The following BMPR2 variants were observed in gnomAD, a reference collection of about 807,000 sequenced individuals.
BMPR2 encodes bone morphogenetic protein receptor type-2.
BMPR2 carries 29 observed loss-of-function variants against 100.8 expected under a neutral mutation model. The ratio of observed to expected loss-of-function variants is 0.29; its 90% CI spans 0.21 to 0.39. The LOEUF (loss-of-function observed/expected upper bound fraction) is 0.39, where lower values mean the gene tolerates loss of function less well. Among genes scored for constraint, BMPR2 ranks in the 10% least tolerant of loss-of-function variants. BMPR2 has a pLI of 1.00. For synonymous variants in BMPR2, 382 were observed against 442.3 expected (o/e 0.86, Z 1.71); for missense variants, 1,011 against 1,274.5 (o/e 0.79, Z 3.15).
chr2:202,386,748 T>C (rs558363806), intron 1 of BMPR2, among the ~76,000 whole-genome samples: 2 of 152,060 alleles, frequency 1.3e-5, no homozygotes, highest in African/African-American at 4.8e-5. Flanking sequence ...TGGCGCGATC[T>C]CGGCTCACTG....
intron 3 of BMPR2, among the ~76,000 whole-genome samples, chr2:202,467,969 C>G (rs1292341541): frequency 6.6e-6 from 1 of 151,946 alleles, no homozygotes; most frequent in Non-Finnish European, 1.5e-5. Flanking sequence ...ATTGATTGAA[C>G]CCGGGAGGCA....
rs564475109 is a variant in BMPR2 at position 202,437,109 on chromosome 2, G to T, written c.77-27700G>T. Among the ~76,000 whole-genome samples the T allele has an allele frequency of 1.5e-4, 23 of 150,508 alleles. 2 individuals carry two copies. Among genetic ancestry groups the T allele is most frequent in the African/African-American group, 5.3e-4 (21 of 39,852 alleles). On this transcript the variant is annotated intron_variant, in intron 1 of 12. Coordinates refer to ENST00000374580, the MANE Select transcript of BMPR2 (RefSeq NM_001204.7). ...CAACCTCTGTCTCCCAGGTTCAAGCGATTCTTCTGCCTCAGCCTCCAGAGT... is the reference window on the plus strand; with the variant it reads ...CAACCTCTGTCTCCCAGGTTCAAGCTATTCTTCTGCCTCAGCCTCCAGAGT...
At chr2:202,524,091 G>C (rs946406136) in intron 7 of BMPR2, among the ~76,000 whole-genome samples, 10 of 152,068 alleles carry the variant, frequency 6.6e-5, no homozygotes, top group Admixed American at 1.3e-4. Context: ...GGCCGGACGC[G>C]GTGGCTCACG....
rs568879133 is a variant in BMPR2 at position 202,506,773 on chromosome 2, G to A, written c.419-6946G>A. Among the ~76,000 whole-genome samples the A allele has an allele frequency of 2.6e-5, 4 of 152,158 alleles. No homozygotes were observed. In the South Asian group the frequency reaches 8.3e-4, roughly 32 times the overall value. On this transcript the variant is annotated intron_variant, in intron 3 of 12. Transcript: ENST00000374580. ...AAATTAGTTGGGCGTGGTGGCATGT[G>A]CCTGTAATCCCAGCTACTTGGGAGG... is the stretch of plus-strand genomic sequence containing the variant.
At chr2:202,380,224 A>C (rs1161569536) in intron 1 of BMPR2, among the ~76,000 whole-genome samples, 1 of 152,016 alleles carries the variant, frequency 6.6e-6, no homozygotes, top group East Asian at 1.9e-4. Context: ...ATGAAAAATA[A>C]GATGTGCTGG....
At chr2:202,498,902 A>G (rs1471710055) in intron 3 of BMPR2, among the ~76,000 whole-genome samples, 1 of 152,188 alleles carries the variant, frequency 6.6e-6, no homozygotes, top group Non-Finnish European at 1.5e-5. Context: ...GAGGGAGAAT[A>G]TACAACTATG....
intron 1 of BMPR2, among the ~76,000 whole-genome samples, chr2:202,456,750 G>T (rs148520369): frequency 3.5e-4 from 53 of 152,056 alleles, no homozygotes; most frequent in Admixed American, 6.6e-4. Flanking sequence ...CCTGACCTCA[G>T]GTAATTCACC....
chr2:202,535,254 G>A (rs1314011914), intron 9 of BMPR2, among the ~76,000 whole-genome samples: 2 of 151,932 alleles, frequency 1.3e-5, no homozygotes, highest in Non-Finnish European at 2.9e-5. Flanking sequence ...CAGACGGAGC[G>A]GCTGCTGGGC....
intron 7 of BMPR2, among the ~76,000 whole-genome samples, chr2:202,529,206 G>A (rs1687970830): frequency 6.6e-6 from 1 of 152,178 alleles, no homozygotes; most frequent in Non-Finnish European, 1.5e-5. Flanking sequence ...GTGATAATAT[G>A]TATAAATATC....
chr2:202,421,431 A>G (rs1239737791), intron 1 of BMPR2, among the ~76,000 whole-genome samples: 1 of 150,750 alleles, frequency 6.6e-6, no homozygotes, highest in Non-Finnish European at 1.5e-5. Flanking sequence ...TTAGCACTAT[A>G]GTATTTGATA....
At chr2:202,467,024 G>C (rs1428015232) in intron 2 of BMPR2, 1 of 190,348 alleles carries the variant, frequency 5.3e-6, no homozygotes, top group Admixed American at 5.5e-5. Context: ...ACTTTGGGAG[G>C]CCGAGGCAGG....
chr2:202,377,570 A>G lies in BMPR2; in HGVS notation c.76+20A>G. ...CGGCTGGTGAGTAGCTCCGGCCGGC[A>G]CGTCCCGGCCACTGCCCCTGCGGGT... On this transcript the variant is annotated intron_variant, in intron 1 of 12. Transcript: ENST00000374580. 7 of 1,613,598 alleles carry G rather than the reference A, an allele frequency of 4.3e-6. No individual in the cohort carries two copies. Among genetic ancestry groups the G allele is most frequent in the Non-Finnish European group, 5.9e-6 (7 of 1,179,728 alleles).
chr2:202,422,777 A>G (rs1691295199), intron 1 of BMPR2, among the ~76,000 whole-genome samples: 1 of 151,450 alleles, frequency 6.6e-6, no homozygotes, highest in African/African-American at 2.4e-5. Flanking sequence ...CGTGGGTTCA[A>G]GCGATTCTCC....
chr2:202,528,591 C>G (rs1007140718), intron 7 of BMPR2, among the ~76,000 whole-genome samples: 1 of 152,224 alleles, frequency 6.6e-6, no homozygotes, highest in Non-Finnish European at 1.5e-5. Flanking sequence ...TACTGAACAT[C>G]ATAGCTTAGC....
intron 5 of BMPR2, 72 bp downstream of exon 5, chr2:202,515,051 A>T: frequency 7.2e-7 from 1 of 1,380,122 alleles, no homozygotes; most frequent in Non-Finnish European, 1.0e-6. Flanking sequence ...ACTTCATTCA[A>T]TCATTAAGAC....
chr2:202,481,918 G>A (rs115666841), intron 3 of BMPR2, among the ~76,000 whole-genome samples: 44 of 152,164 alleles, frequency 2.9e-4, no homozygotes, highest in Admixed American at 1.0e-3. Context: ...ATTGTCGTAC[G>A]ACCAATCTCC....
intron 1 of BMPR2, among the ~76,000 whole-genome samples, chr2:202,451,126 G>A (rs796580692): frequency 7.9e-5 from 12 of 152,178 alleles, no homozygotes; most frequent in African/African-American, 2.9e-4. Context: ...TGAAAAATGG[G>A]TGTTATGTGA....
Position 202,531,105 on chromosome 2 carries a change from C to G in BMPR2, c.1128+151C>G, listed in dbSNP as rs926453781. The G allele has an allele frequency of 1.1e-5, 10 of 883,278 alleles. No homozygotes were observed. The East Asian group carries it at 2.5e-4, about 22-fold the overall frequency. 54.7% of individuals were successfully genotyped at this position (883,278 alleles called of 1,614,324 possible). A position where few individuals can be genotyped will look rare whatever the true frequency, so the allele number is the denominator to read the frequency against. On this transcript the variant is annotated intron_variant, in intron 8 of 12. Coordinates refer to ENST00000374580, the MANE Select transcript of BMPR2 (RefSeq NM_001204.7). ...ATCACCTAAGGTAAAGAGTTCGAGA[C>G]CAGCTTGGCCAACATGGCGAAACCC...
At chr2:202,479,532 C>T (rs1302518935) in intron 3 of BMPR2, among the ~76,000 whole-genome samples, 1 of 152,034 alleles carries the variant, frequency 6.6e-6, no homozygotes, top group Non-Finnish European at 1.5e-5. Context: ...CGTTATCTCC[C>T]CTCTGCTCCC....
Sources: allele counts gnomAD v4.1 joint callset (sites outside exome capture counted in the v4.1 genomes callset), GRCh38; gene constraint gnomAD v4.1.1; transcripts MANE v1.5; gene names NCBI Gene and HGNC (gene_info 2026-07-23, HGNC 2026-07-21).